RASGEF1C: variants seen among roughly 807,000 people sequenced by gnomAD.
RASGEF1C encodes ras-GEF domain-containing family member 1C.
A neutral mutation model predicts 58.1 loss-of-function variants in RASGEF1C; 27 were observed. The observed-to-expected ratio is 0.46, with a 90% CI of 0.34 to 0.64. The LOEUF is 0.64. Ranked by LOEUF, RASGEF1C falls within the 30% of genes least tolerant of loss-of-function variation. The probability of loss-of-function intolerance (pLI) is 0.01; values close to 1 mark genes in which losing one functional copy is unlikely to be tolerated. For synonymous variants in RASGEF1C, 243 were observed against 246.3 expected (o/e 0.99, Z 0.13); for missense variants, 502 against 605.1 (o/e 0.83, Z 1.79).
Position 180,120,992 on chromosome 5 carries a change from G to A in RASGEF1C, c.804+68C>T, listed in dbSNP as rs111437299. ...AGGTGTCCTTCCGGTTCCTTCCCCC[G>A]TGGGCTCCTCCCAACTCCGGCCGCC... On this transcript the variant is annotated intron_variant, in intron 7 of 13. Transcript: ENST00000361132. 172 of 1,110,226 alleles carry A rather than the reference G, an allele frequency of 1.5e-4. No individual in the cohort carries two copies. In the African/African-American group the frequency reaches 2.2e-3, roughly 14 times the overall value. The allele number at this position is 1,110,226 out of a possible 1,614,324, so 68.8% of individuals were successfully genotyped here.
At chr5:180,184,772 A>G (rs1389279466) in intron 1 of RASGEF1C, among the ~76,000 whole-genome samples, 1 of 152,190 alleles carries the variant, frequency 6.6e-6, no homozygotes, top group Non-Finnish European at 1.5e-5. Context: ...TGATTATCGG[A>G]ATAGATTTCA....
intron 6 of RASGEF1C, among the ~76,000 whole-genome samples, chr5:180,126,190 A>G (rs540692135): frequency 8.5e-5 from 13 of 152,226 alleles, no homozygotes; most frequent in Middle Eastern, 3.4e-3. Context: ...GGCAGATCAC[A>G]AGGTCAGGAG....
chr5:180,137,794 C>T lies in RASGEF1C; in HGVS notation c.177+82G>A. On this transcript the variant is annotated intron_variant, in intron 2 of 13. Transcript: ENST00000361132. The surrounding 1 kb of genome is among the most constrained non-coding windows in gnomAD (Gnocchi z 4.1). ...CTTCCCAGCTGGCCCTGTACCCTGG[C>T]CCAAGGTCACGCCCAACCCTGATGC... 1.2e-6 allele frequency: 2 copies of T among 1,603,052 alleles called. No homozygotes were observed. The highest frequency in any genetic ancestry group is 8.5e-7 in the Non-Finnish European group (1 of 1,174,836).
intron 3 of RASGEF1C, 36 bp from the exon 4 acceptor site, chr5:180,136,551 G>A (rs1276428118): frequency 1.3e-6 from 2 of 1,547,244 alleles, no homozygotes; most frequent in Admixed American, 1.9e-5. Context: ...CTCGTGAGGG[G>A]CGCCGGGTGG....
chr5:180,146,124 A>G (rs1305495931), intron 1 of RASGEF1C, among the ~76,000 whole-genome samples: 3 of 152,148 alleles, frequency 2.0e-5, no homozygotes, highest in Non-Finnish European at 4.4e-5. Flanking sequence ...GTCACTGCCC[A>G]ATCCAATATC....
chr5:180,121,765 C>T (rs767082284), intron 6 of RASGEF1C, among the ~76,000 whole-genome samples: 4 of 151,962 alleles, frequency 2.6e-5, no homozygotes, highest in Admixed American at 1.3e-4. Context: ...GTGTCACTTT[C>T]GTGGTCGTCT....
chr5:180,161,947 A>C (rs1297341264), intron 1 of RASGEF1C, among the ~76,000 whole-genome samples: 1 of 152,236 alleles, frequency 6.6e-6, no homozygotes, highest in Non-Finnish European at 1.5e-5. Context: ...TACCCATGGC[A>C]GTGCCCCCAG....
At chr5:180,205,197 T>C (rs1441279471) in intron 1 of RASGEF1C, among the ~76,000 whole-genome samples, 1 of 149,650 alleles carries the variant, frequency 6.7e-6, no homozygotes, top group East Asian at 1.9e-4. Flanking sequence ...TCAAAATAAA[T>C]AAATAAATAA....
rs773337130 is a variant in RASGEF1C, at chr5:180,136,482, G to A, written c.334C>T (p.Gln112Ter). ...RVRKFGPKLL[Q>*]LLAEWTETFP... ...GTCTCGGTCCACTCGGCCAACAGCT[G>A]CAGCAGTTTGGGGCCGAACTTCCGG... The change falls in exon 4 of 14, where the codon CAG becomes TAG. Residue 112 changes from glutamine to a stop codon, truncating the protein, a stop_gained. Transcript: ENST00000361132. LOFTEE classifies it high-confidence loss of function. 2 of 1,569,286 alleles carry A rather than the reference G, an allele frequency of 1.3e-6. No individual in the cohort carries two copies. Among genetic ancestry groups the A allele is most frequent in the Non-Finnish European group, 1.7e-6 (2 of 1,156,554 alleles).
intron 1 of RASGEF1C, among the ~76,000 whole-genome samples, chr5:180,146,220 G>A (rs1319947615): frequency 1.3e-5 from 2 of 152,154 alleles, no homozygotes; most frequent in East Asian, 3.9e-4. Flanking sequence ...TTGACTCACT[G>A]CAACCTCTGC....
intron 1 of RASGEF1C, among the ~76,000 whole-genome samples, chr5:180,152,649 C>T (rs1243903217): frequency 6.7e-6 from 1 of 150,270 alleles, no homozygotes; most frequent in African/African-American, 2.5e-5. Context: ...ACCAACATGG[C>T]ACATGTATAC....
chr5:180,112,043 GGTCCA>G (rs1765967836), intron 11 of RASGEF1C, among the ~76,000 whole-genome samples: 1 of 152,178 alleles, frequency 6.6e-6, no homozygotes, highest in Non-Finnish European at 1.5e-5. Flanking sequence ...CTGGAAGCCA[GGTCCA>G]GTCCCTTCTG....
chr5:180,201,486 T>G (rs1262224826), intron 1 of RASGEF1C, among the ~76,000 whole-genome samples: 1 of 152,210 alleles, frequency 6.6e-6, no homozygotes, highest in East Asian at 1.9e-4. Flanking sequence ...CCCCAGCTCC[T>G]GCCTGCAGCC....
At chr5:180,141,849 A>T (rs1766585926) in intron 1 of RASGEF1C, among the ~76,000 whole-genome samples, 1 of 151,804 alleles carries the variant, frequency 6.6e-6, no homozygotes, top group South Asian at 2.1e-4. Flanking sequence ...AGCTGGGATT[A>T]CAGGTGCCCA....
chr5:180,125,882 G>C (rs1471803711), intron 6 of RASGEF1C, among the ~76,000 whole-genome samples: 1 of 152,104 alleles, frequency 6.6e-6, no homozygotes, highest in Non-Finnish European at 1.5e-5. Flanking sequence ...ATTTTTAAGA[G>C]TATAAAGGGA....
At position 180,155,194 on chromosome 5, in the gene RASGEF1C, AC is replaced by A. The variant is rs1165922238; in HGVS notation, c.-6-17137del. On this transcript the variant is annotated intron_variant, in intron 1 of 13. Coordinates refer to ENST00000361132, the MANE Select transcript of RASGEF1C (RefSeq NM_175062.4). The surrounding 1 kb of genome is among the most constrained non-coding windows in gnomAD (Gnocchi z 5.2). ...CCCCCAACCCTGAGTATGGGTCTGG[AC>A]TATGCTAGCTCATGTCTGGCTGCCC... is the stretch of plus-strand genomic sequence containing the variant. Among the ~76,000 whole-genome samples the A allele has an allele frequency of 6.6e-6, 1 of 152,168 alleles. No individual in the cohort carries two copies. Among genetic ancestry groups the A allele is most frequent in the Non-Finnish European group, 1.5e-5 (1 of 68,020 alleles).
At chr5:180,162,564 A>G (rs2113302011) in intron 1 of RASGEF1C, among the ~76,000 whole-genome samples, 1 of 152,328 alleles carries the variant, frequency 6.6e-6, no homozygotes, top group Non-Finnish European at 1.5e-5. Context: ...GTATTACCCC[A>G]AGCAACTCAA....
chr5:180,198,584 A>T lies in RASGEF1C; in HGVS notation c.-7+10444T>A, dbSNP rs1158253477. 6.6e-6 allele frequency among the ~76,000 whole-genome samples: 1 copy of T among 152,226 alleles called. No individual in the cohort carries two copies. Among genetic ancestry groups the T allele is most frequent in the Non-Finnish European group, 1.5e-5 (1 of 68,038 alleles). ...TCCTGCATCTTCACATGGGGGAAGG[A>T]CAACAGCTCCCTCATACCTCTTTCT... On this transcript the variant is annotated intron_variant, in intron 1 of 13. Coordinates refer to ENST00000361132, the MANE Select transcript of RASGEF1C (RefSeq NM_175062.4). This position sits in a 1 kb window ranked among gnomAD's most constrained non-coding sequence, Gnocchi z 4.5.
intron 1 of RASGEF1C, among the ~76,000 whole-genome samples, chr5:180,154,108 G>A (rs371590084): frequency 4.7e-4 from 72 of 152,300 alleles, no homozygotes; most frequent in African/African-American, 1.6e-3. Flanking sequence ...TGTGAAGGGC[G>A]CCCAGAAGCT....
Sources: gnomAD v4.1 joint callset for allele counts (sites outside exome capture counted in the v4.1 genomes callset) on GRCh38, gnomAD v4.1.1 for gene constraint, Gnocchi (gnomAD v3.1) non-coding constraint, MANE v1.5 for transcripts, NCBI Gene and HGNC (gene_info 2026-07-23, HGNC 2026-07-21) for gene names.